CARS2: variants seen among roughly 807,000 people sequenced by gnomAD.
CARS2 encodes cysteinyl-tRNA synthetase 2, mitochondrial, also known as probable cysteine--tRNA ligase, mitochondrial.
In CARS2, 52 loss-of-function variants were observed where a neutral mutation model predicts 68.8. That is an observed-to-expected ratio of 0.76 (90% CI 0.61 to 0.95). The LOEUF (loss-of-function observed/expected upper bound fraction) is 0.95. CARS2 is among the 40% of genes least tolerant of loss of function. The pLI, the probability that CARS2 is intolerant of heterozygous loss-of-function variation, is 0.00. For missense variants in CARS2, 780 were observed against 754.2 expected (o/e 1.03, Z -0.40); for synonymous variants, 314 against 303.6 (o/e 1.03, Z -0.36).
At chr13:110,712,851 G>T (rs1426439510) in intron 1 of CARS2, 32 of 1,133,884 alleles carry the variant, frequency 2.8e-5, no homozygotes, top group Non-Finnish European at 2.7e-5. Context: ...TTCCCTCTCA[G>T]GCCCCTTTGT....
intron 14 of CARS2, 53 bp from the exon 15 acceptor site, chr13:110,641,661 CAG>C (rs937536852): frequency 9.8e-6 from 14 of 1,430,616 alleles, no homozygotes; most frequent in Middle Eastern, 2.2e-4. Flanking sequence ...TCATGTGGCA[CAG>C]GGGGCTGACA....
intron 5 of CARS2, among the ~76,000 whole-genome samples, chr13:110,686,758 A>G (rs533619668): frequency 7.0e-4 from 107 of 151,894 alleles, no homozygotes; most frequent in Middle Eastern, 3.4e-3. Flanking sequence ...AGGTTTTAAC[A>G]TGTTACCCAG....
chr13:110,687,753 A>G lies in CARS2; in HGVS notation c.539T>C (p.Ile180Thr), dbSNP rs2063344208. 1 of 1,613,202 alleles carries G rather than the reference A, an allele frequency of 6.2e-7. No individual in the cohort carries two copies. Among genetic ancestry groups the G allele is most frequent in the Non-Finnish European group, 8.5e-7 (1 of 1,179,338 alleles). The change falls in exon 5 of 15, where the codon ATT becomes ACT. Residue 180 changes from isoleucine (I) to threonine (T), a missense_variant. By Grantham distance (89) the Ile-to-Thr change is moderately conservative. Transcript: ENST00000257347. ...CGTTGAATAAGCGTTCCCACGAGCA[A>G]TGATTCCTTCAATGAAAGAAATTAT... ...PQIISFIEGI[I>T]ARGNAYSTAK...
At chr13:110,680,487 A>G (rs754021363) in intron 6 of CARS2, among the ~76,000 whole-genome samples, 3 of 152,234 alleles carry the variant, frequency 2.0e-5, no homozygotes, top group Non-Finnish European at 4.4e-5. Context: ...GCAGTGAAGG[A>G]TCTAAGCCTA....
chr13:110,648,073 C>T (rs1007715788), intron 10 of CARS2, among the ~76,000 whole-genome samples: 12 of 152,196 alleles, frequency 7.9e-5, no homozygotes, highest in Admixed American at 4.6e-4. Context: ...GACTTCAAAA[C>T]GAGAATTCCA....
intron 7 of CARS2, among the ~76,000 whole-genome samples, chr13:110,673,827 C>T (rs1175279101): frequency 6.6e-6 from 1 of 152,046 alleles, no homozygotes; most frequent in Non-Finnish European, 1.5e-5. Flanking sequence ...ATCATCTCAG[C>T]CCAAAATCTC....
In CARS2 at chr13:110,705,706, C is replaced by G. The variant is rs1365891559; in HGVS notation, c.225-135G>C. On this transcript the variant is annotated intron_variant, in intron 1 of 14. Transcript: ENST00000257347. This position sits in a 1 kb window ranked among gnomAD's most constrained non-coding sequence, Gnocchi z 4.0. ...AATAGCCGGGGTTTTCATACTTGCT[C>G]AATTCACACCCAAACCTGCAAAAGC... 6.6e-7 allele frequency: 1 copy of G among 1,515,704 alleles called. No individual in the cohort carries two copies. The highest frequency in any genetic ancestry group is 8.9e-7 in the Non-Finnish European group (1 of 1,119,306). 93.9% of individuals were successfully genotyped at this position (1,515,704 alleles called of 1,614,324 possible). A position where few individuals can be genotyped will look rare whatever the true frequency, so the allele number is the denominator to read the frequency against.
chr13:110,686,706 G>A (rs142888343), intron 5 of CARS2, among the ~76,000 whole-genome samples: 1 of 151,226 alleles, frequency 6.6e-6, no homozygotes, highest in African/African-American at 2.4e-5. Context: ...ACAGGCGCGC[G>A]ATACCAGGCC....
intron 12 of CARS2, chr13:110,644,966 C>G (rs940995914): frequency 1.3e-5 from 2 of 158,548 alleles, no homozygotes; most frequent in Admixed American, 1.2e-4. Context: ...TTACTTGTCC[C>G]GCCCCTTGCC....
At position 110,665,133 on chromosome 13, in the gene CARS2, A is replaced by C. The variant is rs2062613298; in HGVS notation, c.920-1615T>G. ...TCGCTGGTATCTTAACAGGTAGTAA[A>C]AAATCACTGAAAAATAGCCACAAAA... On this transcript the variant is annotated intron_variant, in intron 8 of 14. Coordinates refer to ENST00000257347, the MANE Select transcript of CARS2 (RefSeq NM_024537.4). The surrounding 1 kb of genome is among the most constrained non-coding windows in gnomAD (Gnocchi z 4.3). 1 of 985,256 alleles carries C rather than the reference A, an allele frequency of 1.0e-6. No individual in the cohort carries two copies. The highest frequency in any genetic ancestry group is 1.2e-6 in the Non-Finnish European group (1 of 829,932). The allele number at this position is 985,256 out of a possible 1,614,324, so 61.0% of individuals were successfully genotyped here.
intron 3 of CARS2, among the ~76,000 whole-genome samples, chr13:110,697,244 A>G (rs6492300): frequency 0.99 from 150,498 of 152,320 alleles, 74,371 homozygotes; most frequent in Middle Eastern, 1. Context: ...TGGTGACTAG[A>G]CATTCACGCA....
Position 110,676,888 on chromosome 13 carries a change from C to A in CARS2, c.785+86G>T. ...CCATGGGCACACGTGCCAGGCTGCA[C>A]CTGCTCCCATGCACATCCTCTGCTG... is the stretch of plus-strand genomic sequence containing the variant. On this transcript the variant is annotated intron_variant, in intron 7 of 14. Coordinates refer to ENST00000257347, the MANE Select transcript of CARS2 (RefSeq NM_024537.4). The surrounding 1 kb of genome is among the most constrained non-coding windows in gnomAD (Gnocchi z 4.0). 1.4e-6 allele frequency: 2 copies of A among 1,426,766 alleles called. No individual in the cohort carries two copies. Among genetic ancestry groups the A allele is most frequent in the Non-Finnish European group, 1.8e-6 (2 of 1,084,214 alleles). 88.4% of individuals were successfully genotyped at this position (1,426,766 alleles called of 1,614,324 possible). A position where few individuals can be genotyped will look rare whatever the true frequency, so the allele number is the denominator to read the frequency against.
At chr13:110,644,687 G>T in intron 12 of CARS2, 2 of 849,194 alleles carry the variant, frequency 2.4e-6, no homozygotes, top group South Asian at 2.0e-5. Flanking sequence ...AATCTCTTGT[G>T]CCTCAGTTTA....
In CARS2 at chr13:110,693,557, T is replaced by C. The variant is rs1257217333; in HGVS notation, c.394-5539A>G. The stretch of plus-strand genomic sequence containing the variant: ...TGTATTTTTAGTAGACACGGGGTTT[T>C]ACCGTGTTAGCCAGAATGGTCTCGA... On this transcript the variant is annotated intron_variant, in intron 3 of 14. Transcript: ENST00000257347. 2.6e-5 allele frequency among the ~76,000 whole-genome samples: 4 copies of C among 152,056 alleles called. No individual in the cohort carries two copies. In the South Asian group the frequency reaches 8.3e-4, roughly 31 times the overall value.
intron 1 of CARS2, chr13:110,712,399 C>T (rs1287561138): frequency 5.3e-6 from 1 of 188,810 alleles, no homozygotes; most frequent in Non-Finnish European, 1.1e-5. Context: ...TCGGGGCCAC[C>T]CCGGAGGGGA....
chr13:110,667,962 G>T (rs2139767853), intron 7 of CARS2, among the ~76,000 whole-genome samples: 1 of 152,306 alleles, frequency 6.6e-6, no homozygotes, highest in Non-Finnish European at 1.5e-5. Context: ...CCGCGTTTCT[G>T]CAAACCCATA....
At chr13:110,675,104 T>C (rs924413587) in intron 7 of CARS2, among the ~76,000 whole-genome samples, 31 of 152,260 alleles carry the variant, frequency 2.0e-4, no homozygotes, top group South Asian at 1.5e-3. Flanking sequence ...TTTTACACTG[T>C]TGGTGGGACT....
At chr13:110,683,936 C>G (rs2063224972) in intron 5 of CARS2, among the ~76,000 whole-genome samples, 1 of 152,230 alleles carries the variant, frequency 6.6e-6, no homozygotes, top group South Asian at 2.1e-4. Flanking sequence ...AGTCTGAGGT[C>G]AGAACCTTCT....
Position 110,641,543 on chromosome 13 carries a change from C to G in CARS2, c.1689G>C (p.Ala563=). 6.2e-7 allele frequency: 1 copy of G among 1,613,162 alleles called. No homozygotes were observed. The highest frequency in any genetic ancestry group is 8.5e-7 in the Non-Finnish European group (1 of 1,179,094). ...TCATGGCTGTGCTCCATCCTCAGCC[C>G]GCTGATTTTTGGTCTTTTGTCCTTT... ...LDQRTKDQKS[A]G is the part of the protein sequence containing the mutation. The change falls in exon 15 of 15, where the codon GCG becomes GCC. Residue 563 remains alanine, a synonymous_variant. Transcript: ENST00000257347.
Sources: allele counts gnomAD v4.1 joint callset (sites outside exome capture counted in the v4.1 genomes callset), GRCh38; gene constraint gnomAD v4.1.1; non-coding constraint Gnocchi (gnomAD v3.1); transcripts MANE v1.5; gene names NCBI Gene and HGNC (gene_info 2026-07-23, HGNC 2026-07-21).